Variants in WWC1 observed in about 807,000 individuals in gnomAD.
The protein encoded by WWC1 is protein KIBRA.
A neutral mutation model predicts 138.4 loss-of-function variants in WWC1; 55 were observed. The ratio of observed to expected loss-of-function variants is 0.40; its 90% confidence interval spans 0.32 to 0.50. WWC1 has a LOEUF of 0.50. Among genes scored for constraint, WWC1 ranks in the 20% least tolerant of loss-of-function variants. The pLI, the probability that WWC1 is intolerant of heterozygous loss-of-function variation, is 0.72. For missense variants in WWC1, 1,226 were observed against 1,420.4 expected (o/e 0.86, Z 2.20); for synonymous variants, 524 against 564.9 (o/e 0.93, Z 1.03).
At chr5:168,407,317 C>T (rs1456342559) in intron 6 of WWC1, among the ~76,000 whole-genome samples, 1 of 149,344 alleles carries the variant, frequency 6.7e-6, no homozygotes. Context: ...TATCCCCATC[C>T]TACAGAAAAA....
intron 20 of WWC1, among the ~76,000 whole-genome samples, chr5:168,461,671 G>A (rs1756823127): frequency 6.6e-6 from 1 of 152,222 alleles, no homozygotes; most frequent in Non-Finnish European, 1.5e-5. Context: ...GGAGATGCAG[G>A]GGGCCCTCCC....
chr5:168,432,851 G>A (rs980175431), intron 15 of WWC1, among the ~76,000 whole-genome samples: 8 of 152,314 alleles, frequency 5.3e-5, no homozygotes, highest in African/African-American at 7.2e-5. Context: ...ACACCTCTCC[G>A]AGCCTCTCCT....
At chr5:168,465,547 G>GTTTTTTT (rs1757198488) in intron 21 of WWC1, among the ~76,000 whole-genome samples, 3 of 20,384 alleles carry the variant, frequency 1.5e-4, no homozygotes, top group African/African-American at 8.1e-4. Flanking sequence ...TATCAGCTGG[G>GTTTTTTT]CTTTTTTTTT....
intron 1 of WWC1, among the ~76,000 whole-genome samples, chr5:168,305,340 G>T (rs942263953): frequency 6.6e-6 from 1 of 152,020 alleles, no homozygotes; most frequent in African/African-American, 2.4e-5. Context: ...CCCTTCTCCA[G>T]GCCCTCACCA....
rs777880669 is a variant in WWC1 at position 168,431,344 on chromosome 5, A to G, written c.2180A>G (p.Asn727Ser). 32 of 1,613,998 alleles carry G rather than the reference A, an allele frequency of 2.0e-5. No homozygotes were observed. Among genetic ancestry groups the G allele is most frequent in the South Asian group, 5.5e-5 (5 of 91,084 alleles). ...PLDASDTLVF[N>S]EVFWVSMSYP... ...GACGCCTCAGACACTCTAGTGTTCAATGAGGTGTTCTGGGTATCCATGTCC... is the reference window on the plus strand; with the variant it reads ...GACGCCTCAGACACTCTAGTGTTCAGTGAGGTGTTCTGGGTATCCATGTCC... Residue 727 changes from asparagine to serine, a missense_variant, in exon 15 of 23, where the codon AAT becomes AGT. By Grantham distance (46) the Asn-to-Ser change is conservative. Coordinates refer to ENST00000265293, the MANE Select transcript of WWC1 (RefSeq NM_015238.3).
intron 17 of WWC1, among the ~76,000 whole-genome samples, chr5:168,452,719 T>C (rs1437073945): frequency 6.6e-6 from 1 of 152,156 alleles, no homozygotes; most frequent in Non-Finnish European, 1.5e-5. Flanking sequence ...CTTGGAAATG[T>C]AAGTAATCCA....
At chr5:168,467,709 A>T in intron 21 of WWC1, 131 bp from the exon 22 acceptor site, 1 of 1,316,714 alleles carries the variant, frequency 7.6e-7, no homozygotes, top group Non-Finnish European at 1.0e-6. Flanking sequence ...TTCTGAATGA[A>T]GTGGATCCCA....
At chr5:168,467,190 G>A (rs1333780140) in intron 21 of WWC1, among the ~76,000 whole-genome samples, 2 of 152,146 alleles carry the variant, frequency 1.3e-5, no homozygotes, top group Non-Finnish European at 2.9e-5. Context: ...CCCAGGAGGC[G>A]GAGCTTGCAG....
intron 11 of WWC1, among the ~76,000 whole-genome samples, chr5:168,426,043 A>G (rs1582255727): frequency 6.6e-6 from 1 of 152,132 alleles, no homozygotes; most frequent in Non-Finnish European, 1.5e-5. Flanking sequence ...CATGGGCAGG[A>G]GTGGTGCTGC....
chr5:168,416,588 A>G (rs1780677842), intron 9 of WWC1: 2 of 152,210 alleles, frequency 1.3e-5, no homozygotes, highest in Non-Finnish European at 2.9e-5. Flanking sequence ...CAGACCCTGT[A>G]ATTGCCACTG....
intron 1 of WWC1, among the ~76,000 whole-genome samples, chr5:168,368,297 C>G (rs1204311035): frequency 1.3e-5 from 2 of 152,152 alleles, no homozygotes; most frequent in Non-Finnish European, 1.5e-5. Flanking sequence ...ATATTCATTA[C>G]ATTATTCACC....
chr5:168,409,975 A>G lies in WWC1; in HGVS notation c.921A>G (p.Arg307=). ...QLAEKVRLRL[R]YEEAKRRIAN... is the part of the protein sequence containing the mutation. ...CAGAGAAGGTCAGATTGCGCCTTCG[A>G]TATGAAGAGGCTAAGAGAAGGTAAT... Residue 307 remains arginine (R), a synonymous_variant, in exon 8 of 23, where the codon CGA becomes CGG. Transcript: ENST00000265293. 1 of 1,613,968 alleles carries G rather than the reference A, an allele frequency of 6.2e-7. No homozygotes were observed. The highest frequency in any genetic ancestry group is 8.5e-7 in the Non-Finnish European group (1 of 1,179,918).
chr5:168,405,374 T>G (rs1390586318), intron 5 of WWC1, among the ~76,000 whole-genome samples: 1 of 152,214 alleles, frequency 6.6e-6, no homozygotes, highest in Non-Finnish European at 1.5e-5. Flanking sequence ...CCAGGTATAC[T>G]GCTAAATATC....
chr5:168,455,750 C>A (rs1756258124), intron 19 of WWC1, among the ~76,000 whole-genome samples: 1 of 152,106 alleles, frequency 6.6e-6, no homozygotes, highest in African/African-American at 2.4e-5. Context: ...ATTATCATTC[C>A]AAACAACTCA....
intron 1 of WWC1, among the ~76,000 whole-genome samples, chr5:168,367,477 G>C (rs1403925221): frequency 1.3e-5 from 2 of 149,528 alleles, no homozygotes; most frequent in Non-Finnish European, 3.0e-5. Context: ...GACTACAGGC[G>C]CCCGCCACTG....
chr5:168,321,796 C>G lies in WWC1; in HGVS notation c.119+29525C>G, dbSNP rs372112928. Among the ~76,000 whole-genome samples, 24 of 152,348 alleles carry G rather than the reference C, an allele frequency of 1.6e-4. 1 individual carries two copies. Among genetic ancestry groups the G allele is most frequent in the African/African-American group, 5.8e-4 (24 of 41,586 alleles). On this transcript the variant is annotated intron_variant, in intron 1 of 22. Coordinates refer to ENST00000265293, the MANE Select transcript of WWC1 (RefSeq NM_015238.3). ...AGGTGATCCGCCTGCCTCTGCCTCCCAAAGTGCTGGGATTACAGGCGTGAG... is the reference window on the plus strand; with the variant it reads ...AGGTGATCCGCCTGCCTCTGCCTCCGAAAGTGCTGGGATTACAGGCGTGAG...
intron 1 of WWC1, among the ~76,000 whole-genome samples, chr5:168,330,636 T>G (rs1233179708): frequency 6.6e-6 from 1 of 152,152 alleles, no homozygotes; most frequent in South Asian, 2.1e-4. Context: ...CCCCCCATCC[T>G]ACATGCACTC....
At chr5:168,315,727 C>T (rs2015380) in intron 1 of WWC1, among the ~76,000 whole-genome samples, 3,511 of 152,132 alleles carry the variant, frequency 0.023, 125 homozygotes, top group African/African-American at 0.079. Flanking sequence ...TGAGCGGCAA[C>T]GGAAGGGCTA....
intron 1 of WWC1, among the ~76,000 whole-genome samples, chr5:168,326,262 G>A (rs1233639207): frequency 2.3e-4 from 32 of 137,328 alleles, no homozygotes. Context: ...TTGTTGCCCA[G>A]ACTGGAGTGC....
Sources: allele counts gnomAD v4.1 joint callset (sites outside exome capture counted in the v4.1 genomes callset), GRCh38; gene constraint gnomAD v4.1.1; transcripts MANE v1.5; gene names NCBI Gene and HGNC (gene_info 2026-07-23, HGNC 2026-07-21).